Variants in SAMSN1 observed in about 807,000 individuals in gnomAD.
The protein encoded by SAMSN1 is SAM domain-containing protein SAMSN-1.
In SAMSN1, 31 loss-of-function variants were observed where a neutral mutation model predicts 42.0. That is an observed-to-expected ratio of 0.74 (90% CI 0.55 to 1.00). SAMSN1 has a LOEUF of 1.00. SAMSN1 is among the 50% of genes least tolerant of loss of function. SAMSN1 has a pLI of 0.00. For synonymous variants in SAMSN1, 178 were observed against 151.9 expected (o/e 1.17, Z -1.26); for missense variants, 464 against 439.4 (o/e 1.06, Z -0.50).
intron 2 of SAMSN1, among the ~76,000 whole-genome samples, chr21:14,617,157 G>C (rs1260415974): frequency 2.6e-5 from 4 of 152,152 alleles, no homozygotes; most frequent in Admixed American, 6.6e-5. Context: ...TAGGGAAGAG[G>C]TGGTGGATGG....
chr21:14,614,147 T>C (rs1982774466), intron 3 of SAMSN1, among the ~76,000 whole-genome samples: 1 of 152,188 alleles, frequency 6.6e-6, no homozygotes, highest in Non-Finnish European at 1.5e-5. Context: ...TTTAATGTCA[T>C]TTGTCTTGTT....
intron 1 of SAMSN1, among the ~76,000 whole-genome samples, chr21:14,545,320 A>T (rs1340275598): frequency 2.0e-5 from 3 of 152,168 alleles, no homozygotes; most frequent in Non-Finnish European, 4.4e-5. Context: ...GGTGCCTAAC[A>T]TATAAAGACT....
rs974471444 is a variant in SAMSN1, at chr21:14,500,590, C to A, written c.707G>T (p.Arg236Leu). Residue 236 changes from arginine to leucine, a missense_variant, in exon 6 of 8, where the codon CGA becomes CTA. Arg to Leu is a moderately radical substitution (Grantham distance 102). Transcript: ENST00000400566. ...CTTGGATTTTTTGCTGTTACTCCTT[C>A]GGTTTGCCTTTATTTTCTTGGGGGC... ...EAAPKKIKANRRSNSKKSKTL... is the reference protein window; with the variant it reads ...EAAPKKIKANLRSNSKKSKTL... The A allele has an allele frequency of 6.2e-6, 10 of 1,614,122 alleles. No homozygotes were observed. Among genetic ancestry groups the A allele is most frequent in the Non-Finnish European group, 7.6e-6 (9 of 1,180,006 alleles).
chr21:14,515,738 T>C (rs955136397), intron 3 of SAMSN1, among the ~76,000 whole-genome samples: 1 of 152,196 alleles, frequency 6.6e-6, no homozygotes, highest in African/African-American at 2.4e-5. Flanking sequence ...ATATTGCATG[T>C]CATATATCTG....
intron 1 of SAMSN1, among the ~76,000 whole-genome samples, chr21:14,541,343 A>G (rs950880979): frequency 3.3e-5 from 5 of 151,980 alleles, no homozygotes; most frequent in African/African-American, 1.2e-4. Flanking sequence ...AAAAAAGTAC[A>G]TAGCTTGAGT....
At chr21:14,549,324 T>C (rs1488655473), upstream of SAMSN1, among the ~76,000 whole-genome samples, 1 of 152,168 alleles carries the variant, frequency 6.6e-6, no homozygotes, top group Non-Finnish European at 1.5e-5. Context: ...AATTAGATAG[T>C]AGTTTGGATT....
upstream of SAMSN1, among the ~76,000 whole-genome samples, chr21:14,584,905 A>G (rs563644391): frequency 8.5e-5 from 13 of 152,234 alleles, no homozygotes; most frequent in Admixed American, 3.3e-4. Context: ...AACATTTCCA[A>G]TCTTTATACT....
intron 1 of SAMSN1, chr21:14,658,607 G>A (rs1983952074): frequency 1.7e-6 from 1 of 604,122 alleles, no homozygotes; most frequent in East Asian, 2.8e-5. Flanking sequence ...CTTTCTCACT[G>A]TTCTTTGTGA....
intron 2 of SAMSN1, among the ~76,000 whole-genome samples, chr21:14,556,636 C>A (rs1458691563): frequency 2.6e-5 from 4 of 152,176 alleles, no homozygotes; most frequent in African/African-American, 9.6e-5. Flanking sequence ...CCTTCTCCCA[C>A]CCAACACACA....
intron 2 of SAMSN1, among the ~76,000 whole-genome samples, chr21:14,574,742 G>C (rs1981406269): frequency 6.6e-6 from 1 of 152,020 alleles, no homozygotes; most frequent in Admixed American, 6.6e-5. Flanking sequence ...ATTGTAAAAT[G>C]TTTTATTGGA....
intron 7 of SAMSN1, among the ~76,000 whole-genome samples, chr21:14,486,599 A>C (rs985862756): frequency 1.3e-5 from 2 of 152,230 alleles, no homozygotes; most frequent in African/African-American, 4.8e-5. Flanking sequence ...TATCACTATA[A>C]GTAAGAATGT....
intron 6 of SAMSN1, 129 bp from the exon 7 acceptor site, chr21:14,498,721 T>C: frequency 1.6e-6 from 1 of 608,934 alleles, no homozygotes; most frequent in Non-Finnish European, 2.7e-6. Flanking sequence ...TTACTTAACT[T>C]CACTTGTATT....
intron 1 of SAMSN1, among the ~76,000 whole-genome samples, chr21:14,540,750 T>A (rs4817248): frequency 0.52 from 79,144 of 151,584 alleles, 21,013 homozygotes; most frequent in East Asian, 0.78. Context: ...CTAGAACTAG[T>A]AATTCCATTT....
intron 6 of SAMSN1, among the ~76,000 whole-genome samples, chr21:14,600,877 G>C (rs183678406): frequency 3.7e-4 from 57 of 152,234 alleles, no homozygotes; most frequent in Non-Finnish European, 8.1e-4. Flanking sequence ...AAGAGTAAGA[G>C]GAGAAGGAGG....
intron 4 of SAMSN1, among the ~76,000 whole-genome samples, chr21:14,511,113 A>G (rs533116111): frequency 1.1e-4 from 17 of 152,092 alleles, no homozygotes; most frequent in Non-Finnish European, 2.2e-4. Flanking sequence ...CTCAGTCACC[A>G]CTTCACATCT....
At chr21:14,528,092 T>C (rs894489371) in intron 1 of SAMSN1, among the ~76,000 whole-genome samples, 1 of 152,176 alleles carries the variant, frequency 6.6e-6, no homozygotes, top group Non-Finnish European at 1.5e-5. Context: ...AGAATTGGTA[T>C]AATCAATTCT....
chr21:14,500,699 T>A lies in SAMSN1; in HGVS notation c.598A>T (p.Met200Leu). The A allele has an allele frequency of 6.2e-7, 1 of 1,614,026 alleles. No individual in the cohort carries two copies. The highest frequency in any genetic ancestry group is 8.5e-7 in the Non-Finnish European group (1 of 1,179,906). ...TTCAACATTCCTGTCCACATCCCCA[T>A]TGGTGTTTTGCAAATAATGTCTATG... ...DIIDIICKTP[M>L]GMWTGMLNNK... Residue 200 changes from methionine (M) to leucine (L), a missense_variant, in exon 6 of 8, where the codon ATG becomes TTG. Met to Leu is a conservative substitution (Grantham distance 15). Transcript: ENST00000400566.
chr21:14,528,853 C>T (rs1979051787), intron 1 of SAMSN1, among the ~76,000 whole-genome samples: 2 of 152,082 alleles, frequency 1.3e-5, no homozygotes, highest in South Asian at 2.1e-4. Context: ...TGACCGTTAC[C>T]GAGAGCTTTC....
At chr21:14,498,384 A>C in intron 7 of SAMSN1, 58 bp downstream of exon 7, 1 of 1,431,296 alleles carries the variant, frequency 7.0e-7, no homozygotes, top group Non-Finnish European at 9.5e-7. Context: ...TCTAATGATT[A>C]TACTATTTAC....
Sources: allele counts gnomAD v4.1 joint callset (sites outside exome capture counted in the v4.1 genomes callset), GRCh38; gene constraint gnomAD v4.1.1; transcripts MANE v1.5; gene names NCBI Gene and HGNC (gene_info 2026-07-23, HGNC 2026-07-21).